The following TSPEAR variants were observed in gnomAD, a reference collection of about 807,000 sequenced individuals.
TSPEAR encodes the protein thrombospondin type laminin G domain and EAR repeats, also known as thrombospondin-type laminin G domain and EAR repeat-containing protein.
A neutral mutation model predicts 71.6 loss-of-function variants in TSPEAR; 69 were observed. That is an observed-to-expected ratio of 0.96 (90% CI 0.79 to 1.18). The LOEUF (loss-of-function observed/expected upper bound fraction) is 1.18, where lower values mean the gene tolerates loss of function less well. Among genes scored for constraint, TSPEAR ranks in the 50% most tolerant of loss-of-function variants. The pLI, the probability that TSPEAR is intolerant of heterozygous loss-of-function variation, is 0.00. For synonymous variants in TSPEAR, 402 were observed against 387.2 expected (o/e 1.04, Z -0.45); for missense variants, 971 against 894.9 (o/e 1.09, Z -1.09).
intron 7 of TSPEAR, among the ~76,000 whole-genome samples, chr21:44,526,326 T>A (rs1384657913): frequency 6.6e-6 from 1 of 152,196 alleles, no homozygotes; most frequent in Non-Finnish European, 1.5e-5. Flanking sequence ...GCAAGGTGCA[T>A]GGTTCATGGA....
chr21:44,584,142 G>A (rs1189493828), intron 1 of TSPEAR, among the ~76,000 whole-genome samples: 2 of 152,136 alleles, frequency 1.3e-5, no homozygotes, highest in African/African-American at 2.4e-5. Flanking sequence ...CTGCTTTGCC[G>A]AGCTTGGCTT....
rs144351947 is a variant in TSPEAR, at chr21:44,687,560, T to A, written c.82+23873A>T. ...GACTTGCTGTATGACTCCATCTGAA[T>A]GAGTTCTAAAACAAGGAGAACCAAT... On this transcript the variant is annotated intron_variant, in intron 1 of 11. Coordinates refer to ENST00000323084, the MANE Select transcript of TSPEAR (RefSeq NM_144991.3). This position sits in a 1 kb window ranked among gnomAD's most constrained non-coding sequence, Gnocchi z 4.4. Among the ~76,000 whole-genome samples, 307 of 152,312 alleles carry A rather than the reference T, an allele frequency of 2.0e-3. No homozygotes were observed. The highest frequency in any genetic ancestry group is 6.7e-3 in the African/African-American group (279 of 41,564).
chr21:44,556,687 G>T (rs933095474), intron 2 of TSPEAR, among the ~76,000 whole-genome samples: 17 of 152,228 alleles, frequency 1.1e-4, no homozygotes, highest in Non-Finnish European at 2.2e-4. Flanking sequence ...GCCAGACTCC[G>T]CCTAAAAAAT....
intron 6 of TSPEAR, 101 bp from the exon 7 acceptor site, chr21:44,527,619 C>T (rs781985171): frequency 3.3e-4 from 369 of 1,120,270 alleles, no homozygotes; most frequent in Middle Eastern, 5.3e-4. Flanking sequence ...TCACAAGCCA[C>T]GACTCCTGCG....
intron 1 of TSPEAR, among the ~76,000 whole-genome samples, chr21:44,570,311 C>T (rs976654421): frequency 7.9e-5 from 12 of 152,376 alleles, no homozygotes; most frequent in East Asian, 1.9e-4. Flanking sequence ...CCGGACCCCA[C>T]GCCTGCAGTG....
rs1555933922 is a variant in TSPEAR, at chr21:44,623,883, C to T, written c.83-55878G>A. ...GGATTTCAGCCCCAATATGCACAGG[C>T]ATGGTTTCCTTTGTATTCACCTTGC... is the stretch of plus-strand genomic sequence containing the variant. On this transcript the variant is annotated intron_variant, in intron 1 of 11. Transcript: ENST00000323084. This position sits in a 1 kb window ranked among gnomAD's most constrained non-coding sequence, Gnocchi z 4.5. Among the ~76,000 whole-genome samples, 1 of 152,202 alleles carries T rather than the reference C, an allele frequency of 6.6e-6. No homozygotes were observed. Among genetic ancestry groups the T allele is most frequent in the African/African-American group, 2.4e-5 (1 of 41,452 alleles).
chr21:44,651,611 G>A (rs1410677777), intron 1 of TSPEAR, among the ~76,000 whole-genome samples: 1 of 152,116 alleles, frequency 6.6e-6, no homozygotes, highest in Non-Finnish European at 1.5e-5. Flanking sequence ...CTGGCCAAAT[G>A]TCCTCCTCCC....
intron 11 of TSPEAR, among the ~76,000 whole-genome samples, chr21:44,504,449 A>AAGGCTCTTGGAGGAAGCTGGCCTCG (rs2052146267): frequency 7.3e-6 from 1 of 137,118 alleles, no homozygotes; most frequent in African/African-American, 2.8e-5. Flanking sequence ...GTGAGCCCAC[A>AAGGCTCTTGGAGGAAGCTGGCCTCG]GTGGGGAAGC....
rs1555917799 is a variant in TSPEAR at position 44,546,928 on chromosome 21, T to C, written c.304-13005A>G. ...TGGTATGTCTTCTCAATTTGGGAAGTTTTGGCCATTATTTCTTCAATTATT... is the reference window on the plus strand; with the variant it reads ...TGGTATGTCTTCTCAATTTGGGAAGCTTTGGCCATTATTTCTTCAATTATT... On this transcript the variant is annotated intron_variant, in intron 2 of 11. Coordinates refer to ENST00000323084, the MANE Select transcript of TSPEAR (RefSeq NM_144991.3). The surrounding 1 kb of genome is among the most constrained non-coding windows in gnomAD (Gnocchi z 4.4). Among the ~76,000 whole-genome samples the C allele has an allele frequency of 1.3e-5, 2 of 151,294 alleles. No individual in the cohort carries two copies. Among genetic ancestry groups the C allele is most frequent in the Admixed American group, 1.3e-4 (2 of 15,224 alleles).
In TSPEAR at chr21:44,612,465, T is replaced by C. The variant is rs376032788; in HGVS notation, c.83-44460A>G. The C allele has an allele frequency of 1.2e-6, 2 of 1,610,430 alleles. No individual in the cohort carries two copies. The highest frequency in any genetic ancestry group is 2.7e-5 in the African/African-American group (2 of 74,792). Reference sequence around the variant, plus strand: ...TGCCAACAGGCCTGCTGTGTGCCTGTGTGCTGCAAGTCCAACTGCTGCAAG... The same window carrying C: ...TGCCAACAGGCCTGCTGTGTGCCTGCGTGCTGCAAGTCCAACTGCTGCAAG... On this transcript the variant is annotated intron_variant, in intron 1 of 11. Transcript: ENST00000323084. This position sits in a 1 kb window ranked among gnomAD's most constrained non-coding sequence, Gnocchi z 4.1.
At chr21:44,595,593 C>G (rs1184862083) in intron 1 of TSPEAR, among the ~76,000 whole-genome samples, 2 of 152,220 alleles carry the variant, frequency 1.3e-5, no homozygotes, top group East Asian at 1.9e-4. Context: ...GGACACCCAG[C>G]AGCACAGCAG....
At chr21:44,627,565 G>A (rs1555934721) in intron 1 of TSPEAR, 1 of 1,610,692 alleles carries the variant, frequency 6.2e-7, no homozygotes, top group Non-Finnish European at 8.5e-7. Flanking sequence ...AGCTTGCTGT[G>A]CCTCTTCCTC....
At position 44,673,660 on chromosome 21, in the gene TSPEAR, A is replaced by G. The variant is rs933497463; in HGVS notation, c.82+37773T>C. ...TTCATCTAACAGCTGCAGAATACAC[A>G]TTCTTCTCATAAGCACATGGAACAT... is the stretch of plus-strand genomic sequence containing the variant. On this transcript the variant is annotated intron_variant, in intron 1 of 11. Transcript: ENST00000323084. 2.6e-5 allele frequency among the ~76,000 whole-genome samples: 4 copies of G among 152,332 alleles called. No individual in the cohort carries two copies. In the East Asian group the frequency reaches 7.7e-4, roughly 29 times the overall value.
intron 1 of TSPEAR, among the ~76,000 whole-genome samples, chr21:44,636,968 C>T (rs1394508049): frequency 2.6e-5 from 4 of 152,344 alleles, no homozygotes; most frequent in East Asian, 1.9e-4. Context: ...CAGGCACCTC[C>T]GTCCTGGCTC....
At chr21:44,531,822 G>A (rs1269501554) in intron 3 of TSPEAR, among the ~76,000 whole-genome samples, 6 of 152,224 alleles carry the variant, frequency 3.9e-5, no homozygotes, top group African/African-American at 1.2e-4. Context: ...CGGTCTTGAC[G>A]AGTGCGTGGA....
intron 1 of TSPEAR, among the ~76,000 whole-genome samples, chr21:44,600,041 A>G (rs1980675205): frequency 1.3e-5 from 2 of 152,298 alleles, no homozygotes; most frequent in South Asian, 4.1e-4. Context: ...AATGGCTCAC[A>G]CCACTGTCCA....
chr21:44,675,106 G>A (rs1986247810), intron 1 of TSPEAR, among the ~76,000 whole-genome samples: 1 of 151,926 alleles, frequency 6.6e-6, no homozygotes, highest in East Asian at 1.9e-4. Flanking sequence ...ACCGAAAGCA[G>A]ACAAAAATAC....
At position 44,503,552 on chromosome 21, in the gene TSPEAR, T is replaced by C. The variant is rs442121; in HGVS notation, c.1856+1228A>G. Among the ~76,000 whole-genome samples, 159 of 110,212 alleles carry C rather than the reference T, an allele frequency of 1.4e-3. 20 individuals are homozygous for C. In the East Asian group the frequency reaches 0.031, roughly 21 times the overall value. The allele number at this position is 110,212 out of a possible 152,430, so 72.3% of individuals were successfully genotyped here. A position where few individuals can be genotyped will look rare whatever the true frequency, so the allele number is the denominator to read the frequency against. ...GAAGCCGGCCTTGGTGAGCCCACAG[T>C]GGGGAAGCAATGTGCTGGGAGGAAG... On this transcript the variant is annotated intron_variant, in intron 11 of 11. Coordinates refer to ENST00000323084, the MANE Select transcript of TSPEAR (RefSeq NM_144991.3).
chr21:44,621,612 A>C (rs1327017436), intron 1 of TSPEAR, among the ~76,000 whole-genome samples: 3 of 152,190 alleles, frequency 2.0e-5, no homozygotes, highest in Non-Finnish European at 4.4e-5. Context: ...ACTAGAAGCC[A>C]ATACTTCAGG....
Sources: gnomAD v4.1 joint callset for allele counts (sites outside exome capture counted in the v4.1 genomes callset) on GRCh38, gnomAD v4.1.1 for gene constraint, Gnocchi (gnomAD v3.1) non-coding constraint, MANE v1.5 for transcripts, NCBI Gene and HGNC (gene_info 2026-07-23, HGNC 2026-07-21) for gene names.